The following ZNF185 variants were observed in gnomAD, a reference collection of about 807,000 sequenced individuals.
The protein encoded by ZNF185 is zinc finger protein 185.
A neutral mutation model predicts 58.6 loss-of-function variants in ZNF185; 56 were observed. The ratio of observed to expected loss-of-function variants is 0.95; its 90% CI spans 0.77 to 1.19. ZNF185 has a LOEUF of 1.19. Ranked by LOEUF, ZNF185 falls within the 50% of genes most tolerant of loss-of-function variation. The probability of loss-of-function intolerance (pLI) is 0.00; values close to 1 mark genes in which losing one functional copy is unlikely to be tolerated. For missense variants in ZNF185, 627 were observed against 573.5 expected (o/e 1.09, Z -0.95); for synonymous variants, 230 against 215.9 (o/e 1.07, Z -0.57).
rs2049826901 is a variant in ZNF185, at chrX:152,963,894, C to T, written c.1663C>T (p.Gln555Ter). ...TGTTACTGTCACTGCCACATCTGAG[C>T]AGCCTCACATTTATATTCCAGCCCC... The change falls in exon 18 of 23, where the codon CAG becomes TAG. Residue 555 changes from glutamine to a stop codon, truncating the protein, a stop_gained. Coordinates refer to ENST00000449285, the Ensembl canonical transcript of ZNF185. LOFTEE classifies it high-confidence loss of function. 8.3e-7 allele frequency: 1 copy of T among 1,210,099 alleles called. No homozygotes were observed. Among genetic ancestry groups the T allele is most frequent in the Admixed American group, 2.2e-5 (1 of 45,812 alleles).
Position 152,924,013 on chromosome X carries a change from C to T in ZNF185, c.830+1204C>T, listed in dbSNP as rs782289309. ...GGCTAGAAGTGTGAGATCAAGGTGA[C>T]GGCAAGGTTGGTTCCTCTTGAGTCT... On this transcript the variant is annotated intron_variant, in intron 11 of 22. Coordinates refer to ENST00000449285, the Ensembl canonical transcript of ZNF185. Among the ~76,000 whole-genome samples, 100 of 111,993 alleles carry T rather than the reference C, an allele frequency of 8.9e-4. 1 individual carries two copies. Among genetic ancestry groups the T allele is most frequent in the African/African-American group, 3.0e-3 (94 of 30,863 alleles).
intron 14 of ZNF185, among the ~76,000 whole-genome samples, chrX:152,935,555 G>A (rs2046188973): frequency 8.9e-6 from 1 of 112,408 alleles, no homozygotes; most frequent in African/African-American, 3.2e-5. Flanking sequence ...CAAAGGAAAG[G>A]TTGTTTCTCA....
intron 15 of ZNF185, among the ~76,000 whole-genome samples, chrX:152,943,192 T>G (rs2047426535): frequency 9.0e-6 from 1 of 111,002 alleles, no homozygotes; most frequent in Non-Finnish European, 1.9e-5. Context: ...GAGGAGTTTT[T>G]GCCATGTTGC....
intron 16 of ZNF185, among the ~76,000 whole-genome samples, chrX:152,955,458 C>T (rs1409830067): frequency 8.9e-6 from 1 of 112,409 alleles, no homozygotes; most frequent in Non-Finnish European, 1.9e-5. Flanking sequence ...AAAAACAAAA[C>T]CTGGTCTGTT....
At chrX:152,970,004 C>T (rs1178761054) in intron 21 of ZNF185, among the ~76,000 whole-genome samples, 3 of 111,983 alleles carry the variant, frequency 2.7e-5, no homozygotes, top group Non-Finnish European at 3.8e-5. Context: ...AACAACCCTC[C>T]CCTTTGCCTT....
intron 14 of ZNF185, among the ~76,000 whole-genome samples, chrX:152,934,564 T>C (rs1216712556): frequency 8.9e-6 from 1 of 111,961 alleles, no homozygotes; most frequent in African/African-American, 3.3e-5. Flanking sequence ...AGAACCTCAC[T>C]CATATACCAA....
upstream of ZNF185, among the ~76,000 whole-genome samples, chrX:152,910,483 CTG>C (rs1203865677): frequency 3.6e-5 from 4 of 112,451 alleles, no homozygotes; most frequent in Admixed American, 3.8e-4. Flanking sequence ...TGTATAGAAA[CTG>C]TACACAATAC....
chrX:152,907,160 G>T, the ZNF185 span, among the ~76,000 whole-genome samples: 3 of 111,568 alleles, frequency 2.7e-5, no homozygotes, highest in African/African-American at 9.8e-5. Context: ...TTCTCCTGCC[G>T]CTCCCGTCTG....
chrX:152,945,361 C>A (rs782694589), exon 16 of ZNF185: 1 of 1,206,503 alleles, frequency 8.3e-7, no homozygotes, highest in East Asian at 3.0e-5. Flanking sequence ...CCAAGGAGAC[C>A]CAGCTGTACC....
At chrX:152,933,037 G>A in intron 14 of ZNF185, 66 bp downstream of exon 15, 1 of 782,001 alleles carries the variant, frequency 1.3e-6, no homozygotes. Context: ...AAGCTGCCAG[G>A]CTGCTTGGGC....
chrX:152,936,573 C>G, intron 14 of ZNF185, 60 bp downstream of exon 16: 1 of 1,012,782 alleles, frequency 9.9e-7, no homozygotes, highest in East Asian at 3.4e-5. Flanking sequence ...CCTTTGGGGC[C>G]CAGCCTCAGC....
intron 19 of ZNF185, among the ~76,000 whole-genome samples, chrX:152,966,016 A>AT (rs1225175809): frequency 3.7e-5 from 4 of 108,198 alleles, no homozygotes; most frequent in Admixed American, 3.0e-4. Context: ...ATTTTAATTA[A>AT]TTTTTTTTTG....
intron 15 of ZNF185, chrX:152,941,933 G>A: frequency 9.9e-7 from 1 of 1,011,148 alleles, no homozygotes; most frequent in Non-Finnish European, 1.3e-6. Flanking sequence ...CGGGGCCCCT[G>A]CGGCTTGAGC....
intron 12 of ZNF185, 62 bp downstream of exon 13, chrX:152,928,723 C>T: frequency 9.0e-7 from 1 of 1,112,914 alleles, no homozygotes; most frequent in Middle Eastern, 2.5e-4. Context: ...GAAGCAGCAG[C>T]CTCAGGTGGC....
intron 14 of ZNF185, among the ~76,000 whole-genome samples, chrX:152,934,513 C>G (rs1319804149): frequency 1.8e-5 from 2 of 112,243 alleles, no homozygotes; most frequent in African/African-American, 6.5e-5. Context: ...AGTTGTCTTA[C>G]CTATATAGTA....
chrX:152,942,445 T>C (rs782527582), intron 15 of ZNF185, among the ~76,000 whole-genome samples: 2 of 111,587 alleles, frequency 1.8e-5, no homozygotes, highest in Non-Finnish European at 3.8e-5. Flanking sequence ...CCTCCTACCA[T>C]ATAGGGTTGT....
chrX:152,917,100 G>A (rs1199973753), intron 3 of ZNF185, 31 bp from the exon 5 acceptor site: 5 of 1,209,818 alleles, frequency 4.1e-6, no homozygotes, highest in East Asian at 3.0e-5. Flanking sequence ...AGCAAGCCTC[G>A]CTTCACTCCA....
chrX:152,901,518 T>C, the ZNF185 span, among the ~76,000 whole-genome samples: 1 of 111,262 alleles, frequency 9.0e-6, no homozygotes, highest in Non-Finnish European at 1.9e-5. Flanking sequence ...CCTGAAGCCT[T>C]ATCTGAATTC....
the ZNF185 span, among the ~76,000 whole-genome samples, chrX:152,903,273 C>T: frequency 1.2e-4 from 13 of 106,829 alleles, no homozygotes; most frequent in African/African-American, 2.4e-4. Flanking sequence ...TCTGTAATCC[C>T]GGCCACTAGG....
Sources: gnomAD v4.1 joint callset for allele counts (sites outside exome capture counted in the v4.1 genomes callset) on GRCh38, gnomAD v4.1.1 for gene constraint, MANE v1.5 for transcripts, NCBI Gene and HGNC (gene_info 2026-07-23, HGNC 2026-07-21) for gene names.